The following CTNNA3 variants were observed in gnomAD, a reference collection of about 807,000 sequenced individuals.
The protein encoded by CTNNA3 is catenin alpha 3, also known as catenin alpha-3.
A neutral mutation model predicts 95.7 loss-of-function variants in CTNNA3; 76 were observed. The ratio of observed to expected loss-of-function variants is 0.79; its 90% CI spans 0.66 to 0.96. CTNNA3 has a LOEUF of 0.96. CTNNA3 is among the 40% of genes least tolerant of loss of function. The pLI is 0.00. For synonymous variants in CTNNA3, 431 were observed against 374.4 expected (o/e 1.15, Z -1.74); for missense variants, 1,191 against 1,089.8 (o/e 1.09, Z -1.31).
chr10:67,538,530 C>T (rs141941257), intron 4 of CTNNA3, among the ~76,000 whole-genome samples: 1 of 149,782 alleles, frequency 6.7e-6, no homozygotes, highest in East Asian at 2.0e-4. Context: ...TGCAGTGAGC[C>T]GAGATCACCA....
At chr10:66,943,269 G>C (rs868210372) in intron 7 of CTNNA3, among the ~76,000 whole-genome samples, 1 of 152,154 alleles carries the variant, frequency 6.6e-6, no homozygotes, top group Admixed American at 6.5e-5. Context: ...AAACCTCATA[G>C]AGCTGTTGTG....
intron 7 of CTNNA3, among the ~76,000 whole-genome samples, chr10:66,793,819 G>C (rs749909262): frequency 6.6e-6 from 1 of 152,042 alleles, no homozygotes; most frequent in Non-Finnish European, 1.5e-5. Context: ...TGTCAGTACA[G>C]TCATAATTCT....
intron 7 of CTNNA3, among the ~76,000 whole-genome samples, chr10:67,051,517 T>A (rs1163787892): frequency 6.6e-6 from 1 of 150,946 alleles, no homozygotes; most frequent in African/African-American, 2.4e-5. Context: ...TGGAGTGCAG[T>A]GGTGCAATCT....
chr10:66,480,109 T>C (rs976841745), intron 11 of CTNNA3, among the ~76,000 whole-genome samples: 2 of 152,030 alleles, frequency 1.3e-5, no homozygotes, highest in African/African-American at 2.4e-5. Flanking sequence ...AAATGGAAAA[T>C]AGATCTGTTT....
intron 13 of CTNNA3, among the ~76,000 whole-genome samples, chr10:66,209,723 G>C (rs761306479): frequency 1.3e-5 from 2 of 152,122 alleles, no homozygotes; most frequent in Non-Finnish European, 2.9e-5. Context: ...ATATTTTATA[G>C]TAATAAGCTA....
intron 9 of CTNNA3, among the ~76,000 whole-genome samples, chr10:66,667,082 ACTAT>A (rs1273781158): frequency 1.3e-5 from 2 of 152,118 alleles, no homozygotes; most frequent in African/African-American, 2.4e-5. Flanking sequence ...AATCCTTAAA[ACTAT>A]CTATCTAACC....
intron 13 of CTNNA3, among the ~76,000 whole-genome samples, chr10:66,153,553 T>C (rs889091998): frequency 5.9e-5 from 9 of 151,934 alleles, no homozygotes; most frequent in African/African-American, 2.2e-4. Flanking sequence ...TCAATTCACC[T>C]GTCAGCCTGA....
intron 11 of CTNNA3, among the ~76,000 whole-genome samples, chr10:66,503,599 G>A (rs1840351211): frequency 1.3e-5 from 2 of 152,008 alleles, no homozygotes; most frequent in Non-Finnish European, 2.9e-5. Flanking sequence ...CTCCCTAGTA[G>A]CTGGGATTAC....
At position 66,868,165 on chromosome 10, in the gene CTNNA3, T is replaced by A. The variant is rs150322679; in HGVS notation, c.1048-92641A>T. Among the ~76,000 whole-genome samples the A allele has an allele frequency of 7.6e-3, 1,134 of 148,938 alleles. 11 individuals are homozygous for A. Among genetic ancestry groups the A allele is most frequent in the African/African-American group, 0.027 (1,076 of 40,206 alleles). ...TGAGGTCAGGAGTTCAAGACCACCC[T>A]GACCAACATGGTAAAACCCCATCTC... is the stretch of plus-strand genomic sequence containing the variant. On this transcript the variant is annotated intron_variant, in intron 7 of 17. Coordinates refer to ENST00000433211, the MANE Select transcript of CTNNA3 (RefSeq NM_013266.4).
intron 7 of CTNNA3, among the ~76,000 whole-genome samples, chr10:66,895,071 A>AAAAAAAAAAT (rs1845427051): frequency 6.6e-6 from 1 of 150,582 alleles, no homozygotes; most frequent in African/African-American, 2.4e-5. Flanking sequence ...AAAAAAAAAA[A>AAAAAAAAAAT]AGAAAGTGTC....
chr10:67,325,819 T>A (rs1383842837), intron 5 of CTNNA3, among the ~76,000 whole-genome samples: 1 of 152,156 alleles, frequency 6.6e-6, no homozygotes, highest in Non-Finnish European at 1.5e-5. Flanking sequence ...TGGCTAATAT[T>A]GTTAGTGGGG....
chr10:66,431,121 T>C (rs1247234278), intron 11 of CTNNA3, among the ~76,000 whole-genome samples: 1 of 151,232 alleles, frequency 6.6e-6, no homozygotes, highest in Non-Finnish European at 1.5e-5. Context: ...AAGACATTTA[T>C]GCAGCCTACA....
chr10:67,412,463 T>G (rs1845402230), intron 5 of CTNNA3, among the ~76,000 whole-genome samples: 1 of 152,110 alleles, frequency 6.6e-6, no homozygotes, highest in Non-Finnish European at 1.5e-5. Flanking sequence ...ACTTCTCTAG[T>G]GTCACTACAG....
At chr10:67,536,623 A>C (rs2133195994) in intron 4 of CTNNA3, among the ~76,000 whole-genome samples, 1 of 152,250 alleles carries the variant, frequency 6.6e-6, no homozygotes, top group East Asian at 1.9e-4. Flanking sequence ...TGGTTTCAGA[A>C]ATTTCCAGGA....
At chr10:66,373,233 G>A (rs2092767468) in intron 12 of CTNNA3, among the ~76,000 whole-genome samples, 1 of 152,042 alleles carries the variant, frequency 6.6e-6, no homozygotes, top group Non-Finnish European at 1.5e-5. Context: ...TGACAAGTTT[G>A]TATGTTCATT....
chr10:66,881,655 T>C (rs1290167328), intron 7 of CTNNA3, among the ~76,000 whole-genome samples: 3 of 152,084 alleles, frequency 2.0e-5, no homozygotes, highest in Non-Finnish European at 2.9e-5. Context: ...CTTTACAATA[T>C]TCTAGTAAGG....
rs184241675 is a variant in CTNNA3, at chr10:67,471,980, A to G, written c.579+49862T>C. 2.3e-4 allele frequency among the ~76,000 whole-genome samples: 35 copies of G among 152,334 alleles called. 1 individual carries two copies. The highest frequency in any genetic ancestry group is 1.0e-3 in the Admixed American group (16 of 15,302). ...AACTCTTTGCTAAAGCAAAGTAGCAAAATTGTGTCTTTCTTAAATCAAATC... is the reference window on the plus strand; with the variant it reads ...AACTCTTTGCTAAAGCAAAGTAGCAGAATTGTGTCTTTCTTAAATCAAATC... On this transcript the variant is annotated intron_variant, in intron 5 of 17. Coordinates refer to ENST00000433211, the MANE Select transcript of CTNNA3 (RefSeq NM_013266.4).
intron 9 of CTNNA3, among the ~76,000 whole-genome samples, chr10:66,661,122 G>A (rs1846248501): frequency 6.8e-6 from 1 of 146,420 alleles, no homozygotes; most frequent in Admixed American, 7.0e-5. Context: ...AATTAGATCA[G>A]TCATGTTAGA....
At chr10:67,623,032 A>G (rs527688441) in intron 2 of CTNNA3, among the ~76,000 whole-genome samples, 4 of 152,286 alleles carry the variant, frequency 2.6e-5, no homozygotes, top group Admixed American at 6.5e-5. Flanking sequence ...AGAACACTCT[A>G]TGTGTGCAGA....
Sources: gnomAD v4.1 joint callset for allele counts (sites outside exome capture counted in the v4.1 genomes callset) on GRCh38, gnomAD v4.1.1 for gene constraint, MANE v1.5 for transcripts, NCBI Gene and HGNC (gene_info 2026-07-23, HGNC 2026-07-21) for gene names.